The following RELCH variants were observed in gnomAD, a reference collection of about 807,000 sequenced individuals.
The protein encoded by RELCH is RAB11 binding and LisH domain, coiled-coil and HEAT repeat containing.
In RELCH, 41 loss-of-function variants were observed where a neutral mutation model predicts 150.3. The observed-to-expected ratio is 0.27, with a 90% CI of 0.21 to 0.35. The LOEUF is 0.35. Among genes scored for constraint, RELCH ranks in the 10% least tolerant of loss-of-function variants. The pLI is 1.00. For synonymous variants in RELCH, 478 were observed against 531.8 expected (o/e 0.90, Z 1.39); for missense variants, 1,092 against 1,467.8 (o/e 0.74, Z 4.18).
chr18:62,194,929 T>C (rs28522959), intron 1 of RELCH, among the ~76,000 whole-genome samples: 9,118 of 152,268 alleles, frequency 0.06, 903 homozygotes, highest in African/African-American at 0.21. Context: ...ACCTTTATAA[T>C]TTTAGATTTA....
At chr18:62,262,684 T>C (rs2043334815) in intron 16 of RELCH, among the ~76,000 whole-genome samples, 1 of 152,066 alleles carries the variant, frequency 6.6e-6, no homozygotes, top group Non-Finnish European at 1.5e-5. Flanking sequence ...CTTCAGGTTC[T>C]ACCCCTTTAC....
chr18:62,264,137 C>CA lies in RELCH; in HGVS notation c.2501dup (p.Asn834LysfsTer15). On this transcript the variant is annotated frameshift_variant, in exon 17 of 29. Transcript: ENST00000644646. LOFTEE classifies it high-confidence loss of function. ...GCTGGGAGAGTTTACTGTGGGTTGT[C>CA]AATCAATTGTAAGTTACCACCTCCA... The CA allele has an allele frequency of 6.3e-7, 1 of 1,596,576 alleles. No homozygotes were observed. The highest frequency in any genetic ancestry group is 8.5e-7 in the Non-Finnish European group (1 of 1,173,000).
chr18:62,282,127 C>T (rs896550748), intron 24 of RELCH, among the ~76,000 whole-genome samples, 179 bp from the exon 25 acceptor site: 1 of 152,020 alleles, frequency 6.6e-6, no homozygotes, highest in Non-Finnish European at 1.5e-5. Context: ...AAGTAGGAAA[C>T]CTTCTCTGAG....
intron 2 of RELCH, among the ~76,000 whole-genome samples, chr18:62,213,774 C>G (rs1000868651): frequency 4.1e-5 from 6 of 146,584 alleles, no homozygotes; most frequent in African/African-American, 1.5e-4. Flanking sequence ...TTGGTATAAT[C>G]TCTATTTATG....
At chr18:62,289,221 A>G (rs1023840652) in intron 26 of RELCH, among the ~76,000 whole-genome samples, 5 of 152,198 alleles carry the variant, frequency 3.3e-5, no homozygotes, top group African/African-American at 1.2e-4. Flanking sequence ...CATCTTAACA[A>G]CAGTCCCTGT....
At chr18:62,290,569 C>CT (rs756547294) in intron 26 of RELCH, among the ~76,000 whole-genome samples, 1 of 152,054 alleles carries the variant, frequency 6.6e-6, no homozygotes, top group Non-Finnish European at 1.5e-5. Context: ...CACTTACTGG[C>CT]TTTTTTGTGG....
At chr18:62,200,687 G>C (rs1338937707) in intron 1 of RELCH, among the ~76,000 whole-genome samples, 1 of 151,708 alleles carries the variant, frequency 6.6e-6, no homozygotes, top group Non-Finnish European at 1.5e-5. Context: ...TTATCACCAA[G>C]GTTACTGCTA....
At chr18:62,230,803 C>T (rs1431170402) in intron 8 of RELCH, among the ~76,000 whole-genome samples, 2 of 152,042 alleles carry the variant, frequency 1.3e-5, no homozygotes, top group Non-Finnish European at 2.9e-5. Context: ...CCAGGTCAAC[C>T]TTTATCCACT....
intron 26 of RELCH, among the ~76,000 whole-genome samples, chr18:62,290,602 C>G (rs535213779): frequency 6.6e-6 from 1 of 152,266 alleles, no homozygotes; most frequent in African/African-American, 2.4e-5. Context: ...TAGGAGCTAG[C>G]TTTACAGGCT....
chr18:62,305,637 T>G lies in RELCH; in HGVS notation c.*103T>G. 4 of 1,231,250 alleles carry G rather than the reference T, an allele frequency of 3.2e-6. No homozygotes were observed. Among genetic ancestry groups the G allele is most frequent in the Non-Finnish European group, 4.5e-6 (4 of 894,472 alleles). The allele number at this position is 1,231,250 out of a possible 1,614,324, so 76.3% of individuals were successfully genotyped here. On this transcript the variant is annotated 3_prime_UTR_variant, in exon 29 of 29. Coordinates refer to ENST00000644646, the MANE Select transcript of RELCH (RefSeq NM_001346231.2). This position sits in a 1 kb window ranked among gnomAD's most constrained non-coding sequence, Gnocchi z 4.0. ...TTTTTGTTTCCTCAGTTTTATGTTC[T>G]TGCATTATAATTTTATCCTAACCTC...
At chr18:62,245,670 T>C (rs189207201) in intron 11 of RELCH, 1 of 152,090 alleles carries the variant, frequency 6.6e-6, no homozygotes, top group Non-Finnish European at 1.5e-5. Context: ...GCTACACAGA[T>C]ATAGGTACTG....
At position 62,263,946 on chromosome 18, in the gene RELCH, A is replaced by T. The variant is rs2043409557; in HGVS notation, c.2351-43A>T. ...TCAACAGAATATCTAAGTTCCCAAAATGCCAATTTCCATATGATTTATTTT... is the reference window on the plus strand; with the variant it reads ...TCAACAGAATATCTAAGTTCCCAAATTGCCAATTTCCATATGATTTATTTT... On this transcript the variant is annotated intron_variant, in intron 16 of 28. Coordinates refer to ENST00000644646, the MANE Select transcript of RELCH (RefSeq NM_001346231.2). 4 of 1,556,882 alleles carry T rather than the reference A, an allele frequency of 2.6e-6. No individual in the cohort carries two copies. In the East Asian group the frequency reaches 9.6e-5, roughly 37 times the overall value.
chr18:62,222,306 G>A (rs1252106944), intron 5 of RELCH, among the ~76,000 whole-genome samples: 2 of 151,824 alleles, frequency 1.3e-5, no homozygotes, highest in Non-Finnish European at 1.5e-5. Flanking sequence ...TTTATTCAAT[G>A]GTAGTGTCAC....
chr18:62,208,760 T>G (rs1240483601), intron 1 of RELCH, among the ~76,000 whole-genome samples: 1 of 152,238 alleles, frequency 6.6e-6, no homozygotes, highest in South Asian at 2.1e-4. Flanking sequence ...ATATGTGGTA[T>G]TTGGCTTTCT....
At chr18:62,231,119 A>T in intron 8 of RELCH, 75 bp from the exon 9 acceptor site, 1 of 992,926 alleles carries the variant, frequency 1.0e-6, no homozygotes, top group East Asian at 2.5e-5. Flanking sequence ...AAGTTATAAT[A>T]CATAACTTAA....
chr18:62,223,400 T>A (rs970724508), intron 5 of RELCH, among the ~76,000 whole-genome samples: 1 of 152,044 alleles, frequency 6.6e-6, no homozygotes, highest in Non-Finnish European at 1.5e-5. Context: ...AAGAAATAGA[T>A]TATTTGAAGG....
intron 1 of RELCH, among the ~76,000 whole-genome samples, chr18:62,189,324 CA>C (rs1432447132): frequency 7.5e-6 from 1 of 133,524 alleles, no homozygotes; most frequent in African/African-American, 2.8e-5. Context: ...TAAATTATCT[CA>C]TGATTTTTCA....
rs1322953248 is a variant in RELCH at position 62,275,446 on chromosome 18, G to GAGGTGTACT, written c.2941_2949dup (p.Arg981_Thr983dup). 1 of 1,607,426 alleles carries GAGGTGTACT rather than the reference G, an allele frequency of 6.2e-7. No individual in the cohort carries two copies. Among genetic ancestry groups the GAGGTGTACT allele is most frequent in the Admixed American group, 1.7e-5 (1 of 59,622 alleles). On this transcript the variant is annotated inframe_insertion, in exon 22 of 29. Coordinates refer to ENST00000644646, the MANE Select transcript of RELCH (RefSeq NM_001346231.2). ...GTGTTGTCCATACTTCAGCACTCGT[G>GAGGTGTACT]AGGTGTACTGCTGCTAGAATGTTTG...
intron 16 of RELCH, among the ~76,000 whole-genome samples, chr18:62,262,915 G>C (rs2043348735): frequency 6.6e-6 from 1 of 151,900 alleles, no homozygotes; most frequent in African/African-American, 2.4e-5. Flanking sequence ...CGAGGTAAAG[G>C]CTGTTCTGGG....
Sources: allele counts gnomAD v4.1 joint callset (sites outside exome capture counted in the v4.1 genomes callset), GRCh38; gene constraint gnomAD v4.1.1; non-coding constraint Gnocchi (gnomAD v3.1); transcripts MANE v1.5; gene names NCBI Gene and HGNC (gene_info 2026-07-23, HGNC 2026-07-21).